KCNH2: variants seen among roughly 807,000 people sequenced by gnomAD.
KCNH2 encodes the protein voltage-gated inwardly rectifying potassium channel KCNH2.
A neutral mutation model predicts 95.9 loss-of-function variants in KCNH2; 35 were observed. That is an observed-to-expected ratio of 0.37 (90% confidence interval 0.28 to 0.48). The LOEUF is 0.48. KCNH2 is among the 20% of genes least tolerant of loss of function. The pLI, the probability that KCNH2 is intolerant of heterozygous loss-of-function variation, is 0.99. For missense variants in KCNH2, 1,274 were observed against 1,702.9 expected, an observed-to-expected ratio of 0.75 and a Z score of 4.43; for synonymous variants, 786 against 754.7, an observed-to-expected ratio of 1.04 and a Z score of -0.68.
chr7:150,947,794 G>A lies in KCNH2; in HGVS notation c.2777C>T (p.Pro926Leu), dbSNP rs996063617. 1.3e-5 allele frequency: 20 copies of A among 1,532,544 alleles called. No homozygotes were observed. Among genetic ancestry groups the A allele is most frequent in the African/African-American group, 4.1e-5 (3 of 72,792 alleles). 94.9% of individuals were successfully genotyped at this position (1,532,544 alleles called of 1,614,324 possible). Reference protein sequence around the residue: ...GPSSRGRPGGPWGESPSSGPS... With the variant: ...GPSSRGRPGGLWGESPSSGPS... The stretch of plus-strand genomic sequence containing the variant: ...GCCACTGGACGGGCTCTCCCCCCAC[G>A]GCCCCCCCGGCCGGCCCCGGCTACT... The change falls in exon 12 of 15, where the codon CCG becomes CTG. Residue 926 changes from proline (P) to leucine (L), a missense_variant. Transcript: ENST00000262186.
At chr7:150,948,648 C>A in intron 10 of KCNH2, 105 bp from the exon 11 acceptor site, 1 of 1,218,478 alleles carries the variant, frequency 8.2e-7, no homozygotes, top group Admixed American at 1.8e-5. Flanking sequence ...CTGGGCGCCC[C>A]AGCTCTGGGA....
chr7:150,976,531 C>T (rs1027562299), intron 1 of KCNH2, among the ~76,000 whole-genome samples: 3 of 152,174 alleles, frequency 2.0e-5, no homozygotes, highest in African/African-American at 7.2e-5. Flanking sequence ...TGTCCTCTCT[C>T]CCAGGCTGGG....
chr7:150,949,633 T>A, intron 9 of KCNH2: 1 of 1,099,436 alleles, frequency 9.1e-7, no homozygotes, highest in Non-Finnish European at 1.1e-6. Context: ...GCTTGCTATA[T>A]CTGCCCTGAG....
intron 4 of KCNH2, 74 bp from the exon 5 acceptor site, chr7:150,957,576 G>T: frequency 9.2e-7 from 1 of 1,083,964 alleles, no homozygotes; most frequent in Non-Finnish European, 1.4e-6. Flanking sequence ...TAGATCGAGA[G>T]TGGAGACCAG....
chr7:150,945,224 C>T lies in KCNH2; in HGVS notation c.*141G>A. The T allele has an allele frequency of 1.0e-6, 1 of 973,028 alleles. No homozygotes were observed. Among genetic ancestry groups the T allele is most frequent in the Non-Finnish European group, 1.5e-6 (1 of 673,596 alleles). The allele number at this position is 973,028 out of a possible 1,614,324, so 60.3% of individuals were successfully genotyped here. A position where few individuals can be genotyped will look rare whatever the true frequency, so the allele number is the denominator to read the frequency against. On this transcript the variant is annotated 3_prime_UTR_variant, in exon 15 of 15. Coordinates refer to ENST00000262186, the MANE Select transcript of KCNH2 (RefSeq NM_000238.4). The surrounding 1 kb of genome is among the most constrained non-coding windows in gnomAD (Gnocchi z 5.6). ...CAGGGGACTGCAGGAGAAGATGGTC[C>T]CAAGGGCTGGGGGAGGAGCTGTGCT...
chr7:150,952,794 G>C lies in KCNH2; in HGVS notation c.1188C>G (p.His396Gln). ...PEYKLQAPRI[H>Q]RWTILHYSPF... ...GGCTGTAATGCAGGATGGTCCAGCG[G>C]TGGATGCGCGGTGCCTGCAGCTTGT... Residue 396 changes from histidine to glutamine, a missense_variant, in exon 6 of 15, where the codon CAC becomes CAG. By Grantham distance (24) the His-to-Gln change is conservative. Coordinates refer to ENST00000262186, the MANE Select transcript of KCNH2 (RefSeq NM_000238.4). This position sits in a 1 kb window ranked among gnomAD's most constrained non-coding sequence, Gnocchi z 7.3. 2 of 1,614,130 alleles carry C rather than the reference G, an allele frequency of 1.2e-6. No individual in the cohort carries two copies. Among genetic ancestry groups the C allele is most frequent in the Non-Finnish European group, 1.7e-6 (2 of 1,180,020 alleles).
intron 2 of KCNH2, among the ~76,000 whole-genome samples, chr7:150,963,502 C>T (rs1052343889): frequency 2.0e-5 from 3 of 152,172 alleles, no homozygotes; most frequent in African/African-American, 7.2e-5. Context: ...GTGGAGGGAG[C>T]TTAGCAATGA....
In KCNH2 at chr7:150,974,668, T is replaced by A. The variant is rs905549263; in HGVS notation, c.307+43A>T. 1.6e-5 allele frequency: 22 copies of A among 1,372,578 alleles called. No individual in the cohort carries two copies. The Admixed American group carries it at 3.7e-4, about 23-fold the overall frequency. 85.0% of individuals were successfully genotyped at this position (1,372,578 alleles called of 1,614,324 possible). A position where few individuals can be genotyped will look rare whatever the true frequency, so the allele number is the denominator to read the frequency against. On this transcript the variant is annotated intron_variant, in intron 2 of 14. Coordinates refer to ENST00000262186, the MANE Select transcript of KCNH2 (RefSeq NM_000238.4). ...CCCCTCGCCGTGGTCCCGCCCCTCT[T>A]GACCCCGCCCCTGGTCGTGGCCCCG...
At position 150,958,198 on chromosome 7, in the gene KCNH2, G is replaced by A. The variant is rs887354896; in HGVS notation, c.777C>T (p.Asp259=). The A allele has an allele frequency of 1.6e-5, 22 of 1,363,790 alleles. No homozygotes were observed. In the African/African-American group the frequency reaches 2.3e-4, roughly 14 times the overall value. The allele number at this position is 1,363,790 out of a possible 1,614,324, so 84.5% of individuals were successfully genotyped here. A position where few individuals can be genotyped will look rare whatever the true frequency, so the allele number is the denominator to read the frequency against. The change falls in exon 4 of 15, where the codon GAC becomes GAT. Residue 259 remains aspartate, a synonymous_variant. Coordinates refer to ENST00000262186, the MANE Select transcript of KCNH2 (RefSeq NM_000238.4). The stretch of plus-strand genomic sequence containing the variant: ...CCAGGCTGCAGCTGGAGCCCGAGGC[G>A]TCGGGGTTGAGGCTGTGCGCCCGGG... ...PSPRAHSLNP[D]ASGSSCSLAR...
At position 150,974,694 on chromosome 7, in the gene KCNH2, C is replaced by A. The variant is rs770355672; in HGVS notation, c.307+17G>T. 1 of 1,569,838 alleles carries A rather than the reference C, an allele frequency of 6.4e-7. No homozygotes were observed. Among genetic ancestry groups the A allele is most frequent in the Non-Finnish European group, 8.6e-7 (1 of 1,156,878 alleles). ...GACCCCGCCCCTGGTCGTGGCCCCG[C>A]CCCGGCCCGCTCCTACCATCTTTCC... On this transcript the variant is annotated intron_variant, in intron 2 of 14. Transcript: ENST00000262186.
intron 5 of KCNH2, among the ~76,000 whole-genome samples, chr7:150,954,341 AG>A: frequency 6.6e-6 from 1 of 151,986 alleles, no homozygotes. Flanking sequence ...GCCCCTGGAC[AG>A]GGCTCTTCTC....
intron 8 of KCNH2, 93 bp downstream of exon 8, chr7:150,950,828 C>T (rs888304918): frequency 1.3e-5 from 17 of 1,341,238 alleles, no homozygotes; most frequent in Admixed American, 3.6e-5. Context: ...TGACTGTGAC[C>T]GCCTGAGACT....
At chr7:150,964,082 AG>A (rs1338855636) in intron 2 of KCNH2, among the ~76,000 whole-genome samples, 1 of 152,248 alleles carries the variant, frequency 6.6e-6, no homozygotes, top group Non-Finnish European at 1.5e-5. Context: ...AGCCTAGGCC[AG>A]GCCCCAGGCA....
intron 5 of KCNH2, among the ~76,000 whole-genome samples, chr7:150,956,133 T>C (rs1383317585): frequency 1.3e-5 from 2 of 152,004 alleles, no homozygotes; most frequent in African/African-American, 2.4e-5. Flanking sequence ...CAGGCGCACA[T>C]GCACAGACCC....
rs538537293 is a variant in KCNH2, at chr7:150,946,341, C to T, written c.3330+536G>A. On this transcript the variant is annotated intron_variant, in intron 14 of 14. Transcript: ENST00000262186. This position sits in a 1 kb window ranked among gnomAD's most constrained non-coding sequence, Gnocchi z 6.5. ...TCCTCCCCTGGAGGCTTGGCCTCTG[C>T]ACCCTGGGAAATGCCAAGCACCCTC... is the stretch of plus-strand genomic sequence containing the variant. 6.6e-6 allele frequency among the ~76,000 whole-genome samples: 1 copy of T among 152,222 alleles called. No homozygotes were observed. The highest frequency in any genetic ancestry group is 6.5e-5 in the Admixed American group (1 of 15,292).
At chr7:150,977,812 C>T in intron 1 of KCNH2, 26 bp downstream of exon 1, 2 of 1,346,704 alleles carry the variant, frequency 1.5e-6, no homozygotes, top group Non-Finnish European at 2.1e-6. Context: ...GAGCCCCCTC[C>T]CCGCTCAGCC....
Position 150,950,344 on chromosome 7 carries a change from T to C in KCNH2, c.2222A>G (p.Lys741Arg), listed in dbSNP as rs538224282. The C allele has an allele frequency of 4.3e-6, 7 of 1,613,026 alleles. No homozygotes were observed. In the Admixed American group the frequency reaches 1.0e-4, roughly 23 times the overall value. The change falls in exon 9 of 15, where the codon AAA becomes AGA. Residue 741 changes from lysine to arginine, a missense_variant. Physicochemically the swap from Lys to Arg is conservative, Grantham distance 26. Around this residue, in one of 7 missense-constraint regions of KCNH2, gnomAD observed 159 missense variants for 282.5 expected, o/e 0.56. Transcript: ENST00000262186. ...HLNRSLLQHC[K>R]PFRGATKGCL... ...GCCCTTGGTGGCCCCTCGGAAGGGT[T>C]TGCAGTGCTGCAGCAGTGAGCGGTT...
Position 150,945,171 on chromosome 7 carries a change from C to A in KCNH2, c.*194G>T, listed in dbSNP as rs2116916278. 5 of 644,056 alleles carry A rather than the reference C, an allele frequency of 7.8e-6. No homozygotes were observed. The highest frequency in any genetic ancestry group is 1.0e-5 in the Non-Finnish European group (4 of 381,058). The allele number at this position is 644,056 out of a possible 1,614,324, so 39.9% of individuals were successfully genotyped here. ...GACCACAGGCCCCACCTACTGCCGG[C>A]CCTGCCCCTGCCCCTCTCACTGGGG... On this transcript the variant is annotated 3_prime_UTR_variant, in exon 15 of 15. Coordinates refer to ENST00000262186, the MANE Select transcript of KCNH2 (RefSeq NM_000238.4). This position sits in a 1 kb window ranked among gnomAD's most constrained non-coding sequence, Gnocchi z 5.6.
In KCNH2 at chr7:150,966,392, CACACACA is replaced by C. The variant is rs796564786; in HGVS notation, c.308-6663_308-6657del. 1.7e-3 allele frequency among the ~76,000 whole-genome samples: 129 copies of C among 77,666 alleles called. 2 individuals carry two copies. Among genetic ancestry groups the C allele is most frequent in the Non-Finnish European group, 2.0e-3 (80 of 40,762 alleles). The allele number at this position is 77,666 out of a possible 152,430, so 51.0% of individuals were successfully genotyped here. On this transcript the variant is annotated intron_variant, in intron 2 of 14. Transcript: ENST00000262186. The stretch of plus-strand genomic sequence containing the variant: ...ATTGATTTGCCCCCTCCCCCCCCCC[CACACACA>C]CACACACACAGGACACTGTGAAGCA...
Sources: gnomAD v4.1 joint callset for allele counts (sites outside exome capture counted in the v4.1 genomes callset) on GRCh38, gnomAD v4.1.1 for gene constraint, gnomAD v4.1.1 regional missense constraint, Gnocchi (gnomAD v3.1) non-coding constraint, MANE v1.5 for transcripts, NCBI Gene and HGNC (gene_info 2026-07-23, HGNC 2026-07-21) for gene names.